The following RPSA2 variants were observed in gnomAD, a reference collection of about 807,000 sequenced individuals.
RPSA2 encodes ribosomal protein SA 2.
At chr19:23,869,298 T>A in the RPSA2 span, among the ~76,000 whole-genome samples, 1 of 152,184 alleles carries the variant, frequency 6.6e-6, no homozygotes, top group Non-Finnish European at 1.5e-5. Context: ...CGCTCAACCA[T>A]AGCTGTCTTA....
the RPSA2 span, among the ~76,000 whole-genome samples, chr19:23,765,378 T>C: frequency 6.6e-6 from 1 of 152,056 alleles, no homozygotes; most frequent in Admixed American, 6.6e-5. Flanking sequence ...AGCAAAGACA[T>C]GGAATCAACC....
the RPSA2 span, among the ~76,000 whole-genome samples, chr19:23,858,771 G>A: frequency 2.6e-5 from 4 of 152,196 alleles, no homozygotes; most frequent in Admixed American, 2.6e-4. Flanking sequence ...AGAGTAAGAA[G>A]CAGGCAACAC....
At chr19:23,785,436 A>G in the RPSA2 span, among the ~76,000 whole-genome samples, 3 of 152,048 alleles carry the variant, frequency 2.0e-5, no homozygotes, top group East Asian at 3.9e-4. Context: ...GTGACTCTCC[A>G]TTTTTGCCTA....
the RPSA2 span, among the ~76,000 whole-genome samples, chr19:23,816,292 C>G: frequency 1.3e-5 from 2 of 152,194 alleles, no homozygotes; most frequent in South Asian, 4.1e-4. Context: ...AGCATCACGC[C>G]TAGCCAGTTT....
the RPSA2 span, among the ~76,000 whole-genome samples, chr19:23,821,556 C>T: frequency 6.6e-6 from 1 of 152,194 alleles, no homozygotes; most frequent in African/African-American, 2.4e-5. Flanking sequence ...GGAGAAGGAA[C>T]CCGGTTGGTC....
chr19:23,870,833 C>T, the RPSA2 span, among the ~76,000 whole-genome samples: 856 of 152,274 alleles, frequency 5.6e-3, 5 homozygotes, highest in African/African-American at 0.019. Context: ...TTGTGACCAA[C>T]ACAGCATTCC....
At chr19:23,789,512 A>G in the RPSA2 span, among the ~76,000 whole-genome samples, 4 of 152,258 alleles carry the variant, frequency 2.6e-5, no homozygotes, top group East Asian at 3.9e-4. Context: ...TGTAGTTGCT[A>G]TGATGATTCT....
the RPSA2 span, among the ~76,000 whole-genome samples, chr19:23,866,355 G>A: frequency 6.6e-6 from 1 of 152,216 alleles, no homozygotes; most frequent in Non-Finnish European, 1.5e-5. Flanking sequence ...CAGATTGCAA[G>A]CATGCTCAAG....
At chr19:23,831,705 T>C in the RPSA2 span, 10 of 249,330 alleles carry the variant, frequency 4.0e-5, no homozygotes, top group Admixed American at 2.0e-4. Flanking sequence ...GATAATTTAC[T>C]GTTGAGAAAT....
At chr19:23,816,784 GCAGA>G in the RPSA2 span, among the ~76,000 whole-genome samples, 1 of 152,140 alleles carries the variant, frequency 6.6e-6, no homozygotes, top group African/African-American at 2.4e-5. Context: ...TCACATGGTG[GCAGA>G]CAGAGAGCTT....
At chr19:23,839,040 G>T in the RPSA2 span, among the ~76,000 whole-genome samples, 1 of 151,818 alleles carries the variant, frequency 6.6e-6, no homozygotes, top group Non-Finnish European at 1.5e-5. Context: ...TTGTCTGTCT[G>T]TGCTCTTTCA....
At chr19:23,796,805 T>G in the RPSA2 span, among the ~76,000 whole-genome samples, 1 of 151,916 alleles carries the variant, frequency 6.6e-6, no homozygotes, top group Non-Finnish European at 1.5e-5. Context: ...TTATTTCTAA[T>G]TGTGTTTATT....
the RPSA2 span, among the ~76,000 whole-genome samples, chr19:23,776,806 G>A: frequency 6.6e-6 from 1 of 152,162 alleles, no homozygotes. Flanking sequence ...GCCCAATGCC[G>A]AGGTGATGTG....
the RPSA2 span, among the ~76,000 whole-genome samples, chr19:23,802,907 G>A: frequency 6.6e-6 from 1 of 152,046 alleles, no homozygotes; most frequent in East Asian, 1.9e-4. Context: ...GTCTACACCT[G>A]AACATATATT....
chr19:23,770,006 G>A, the RPSA2 span, among the ~76,000 whole-genome samples: 2 of 152,194 alleles, frequency 1.3e-5, no homozygotes, highest in African/African-American at 4.8e-5. Context: ...CCTAGGTGAT[G>A]TGACTCTTTG....
the RPSA2 span, among the ~76,000 whole-genome samples, chr19:23,867,212 T>C: frequency 3.3e-5 from 5 of 152,302 alleles, no homozygotes; most frequent in East Asian, 5.8e-4. Context: ...CCAGTAAGGA[T>C]TGACCCCCAT....
chr19:23,795,579 C>G, the RPSA2 span, among the ~76,000 whole-genome samples: 552 of 152,208 alleles, frequency 3.6e-3, 3 homozygotes, highest in African/African-American at 0.012. Context: ...TCCACCAAGA[C>G]TATACAGTTT....
the RPSA2 span, chr19:23,799,196 C>G: frequency 6.6e-6 from 1 of 151,990 alleles, no homozygotes; most frequent in African/African-American, 2.4e-5. Flanking sequence ...CTTTTAACTT[C>G]TTTTTTTTCT....
chr19:23,786,450 G>T, the RPSA2 span, among the ~76,000 whole-genome samples: 1 of 151,870 alleles, frequency 6.6e-6, no homozygotes. Context: ...TTCTTTTTTT[G>T]GGGACCCAAC....
Sources: gnomAD v4.1 joint callset for allele counts (sites outside exome capture counted in the v4.1 genomes callset) on GRCh38, gnomAD v4.1.1 for gene constraint, MANE v1.5 for transcripts, NCBI Gene and HGNC (gene_info 2026-07-23, HGNC 2026-07-21) for gene names.